Variants in GREB1L observed in about 807,000 individuals in gnomAD.
GREB1L encodes the protein GREB1 like retinoic acid receptor coactivator.
Under a neutral mutation model 200.8 loss-of-function variants are expected in GREB1L, and 17 were observed. The observed-to-expected ratio is 0.08, with a 90% CI of 0.06 to 0.13. GREB1L has a LOEUF of 0.13. Ranked by LOEUF, GREB1L falls within the 10% of genes least tolerant of loss-of-function variation. GREB1L has a pLI of 1.00. For missense variants in GREB1L, 1,657 were observed against 2,367.7 expected (o/e 0.70, Z 6.23); for synonymous variants, 789 against 893.0 (o/e 0.88, Z 2.08).
chr18:21,293,155 A>G (rs1336875001), intron 1 of GREB1L, among the ~76,000 whole-genome samples: 1 of 152,202 alleles, frequency 6.6e-6, no homozygotes, highest in East Asian at 1.9e-4. Flanking sequence ...CAGCTCTGGT[A>G]TGGCCTTGGC....
chr18:21,433,675 T>G (rs1471220746), intron 7 of GREB1L, among the ~76,000 whole-genome samples: 2 of 152,214 alleles, frequency 1.3e-5, no homozygotes, highest in African/African-American at 4.8e-5. Context: ...CATTTCATTC[T>G]TTTGAGTTCT....
intron 4 of GREB1L, among the ~76,000 whole-genome samples, chr18:21,390,825 G>A (rs1454445027): frequency 6.6e-6 from 1 of 151,976 alleles, no homozygotes; most frequent in Non-Finnish European, 1.5e-5. Flanking sequence ...GTGAGCCACC[G>A]CGCCAGGCCA....
intron 7 of GREB1L, among the ~76,000 whole-genome samples, chr18:21,431,868 T>G (rs2033172308): frequency 6.6e-6 from 1 of 151,896 alleles, no homozygotes; most frequent in South Asian, 2.1e-4. Context: ...AAGTGTTCTT[T>G]TTTTCATGTA....
At chr18:21,399,270 T>C (rs1014711604) in intron 5 of GREB1L, among the ~76,000 whole-genome samples, 43 of 152,342 alleles carry the variant, frequency 2.8e-4, no homozygotes, top group African/African-American at 1.0e-3. Context: ...GCATATCTAC[T>C]TCACAGGTCA....
intron 1 of GREB1L, among the ~76,000 whole-genome samples, chr18:21,311,015 C>T (rs1359526854): frequency 2.0e-5 from 3 of 152,110 alleles, no homozygotes; most frequent in Non-Finnish European, 4.4e-5. Flanking sequence ...AAAACAATAT[C>T]TATAAAATGG....
intron 1 of GREB1L, among the ~76,000 whole-genome samples, chr18:21,246,514 G>T (rs1166461140): frequency 6.6e-6 from 1 of 152,008 alleles, no homozygotes; most frequent in African/African-American, 2.4e-5. Context: ...ACAAAGTGAG[G>T]GATAGTTTTT....
At chr18:21,247,203 C>T (rs2037619263) in intron 1 of GREB1L, among the ~76,000 whole-genome samples, 1 of 152,178 alleles carries the variant, frequency 6.6e-6, no homozygotes, top group Non-Finnish European at 1.5e-5. Context: ...TCTCTTCTAC[C>T]CAACTCTGTA....
chr18:21,440,219 T>C, intron 8 of GREB1L, 50 bp from the exon 9 acceptor site: 1 of 1,538,708 alleles, frequency 6.5e-7, no homozygotes, highest in South Asian at 1.2e-5. Context: ...TTCTTCCACA[T>C]GGCTGAGAAC....
intron 1 of GREB1L, among the ~76,000 whole-genome samples, chr18:21,274,090 C>T (rs770669290): frequency 3.3e-5 from 5 of 152,132 alleles, no homozygotes; most frequent in South Asian, 2.1e-4. Context: ...CAATTCTAGA[C>T]GCTTGGAAGT....
At chr18:21,481,169 A>G (rs1390619258) in intron 17 of GREB1L, among the ~76,000 whole-genome samples, 1 of 152,082 alleles carries the variant, frequency 6.6e-6, no homozygotes, top group African/African-American at 2.4e-5. Context: ...AGAGGTCCAG[A>G]GGAAGCTCCG....
intron 2 of GREB1L, among the ~76,000 whole-genome samples, chr18:21,382,357 A>T (rs115384349): frequency 0.068 from 10,341 of 152,052 alleles, 537 homozygotes; most frequent in Admixed American, 0.14. Flanking sequence ...AAAAATTTTT[A>T]AAAAAATAGT....
At chr18:21,272,506 TAAG>T in intron 1 of GREB1L, among the ~76,000 whole-genome samples, 1 of 152,362 alleles carries the variant, frequency 6.6e-6, no homozygotes, top group East Asian at 1.9e-4. Flanking sequence ...ATGGCTTTCA[TAAG>T]AAGTTATAAA....
intron 1 of GREB1L, among the ~76,000 whole-genome samples, chr18:21,302,498 A>G (rs1266341016): frequency 6.6e-6 from 1 of 152,148 alleles, no homozygotes; most frequent in Non-Finnish European, 1.5e-5. Flanking sequence ...AGAGAGGGAA[A>G]GCTGATTGGT....
intron 1 of GREB1L, among the ~76,000 whole-genome samples, chr18:21,262,744 CAGTG>C (rs1191896883): frequency 1.3e-5 from 2 of 151,940 alleles, no homozygotes; most frequent in African/African-American, 4.8e-5. Context: ...GGCGGTGGGC[CAGTG>C]ATATCAACCC....
rs559187559 is a variant in GREB1L at position 21,457,347 on chromosome 18, C to A, written c.2182+2784C>A. Reference sequence around the variant, plus strand: ...AGCATATTTTTAGAATTATTCACATCTGGCTTTGGCATACATACTGAAATT... The same window carrying A: ...AGCATATTTTTAGAATTATTCACATATGGCTTTGGCATACATACTGAAATT... On this transcript the variant is annotated intron_variant, in intron 15 of 32. Transcript: ENST00000424526. Among the ~76,000 whole-genome samples, 3 of 152,246 alleles carry A rather than the reference C, an allele frequency of 2.0e-5. No individual in the cohort carries two copies. In the South Asian group the frequency reaches 6.2e-4, roughly 32 times the overall value.
At chr18:21,483,143 AAG>A (rs1166126964) in intron 17 of GREB1L, among the ~76,000 whole-genome samples, 2 of 152,172 alleles carry the variant, frequency 1.3e-5, no homozygotes, top group African/African-American at 4.8e-5. Flanking sequence ...GCTAAGAAGA[AAG>A]AGAGAGAAAT....
chr18:21,257,843 C>T (rs1414838162), intron 1 of GREB1L, among the ~76,000 whole-genome samples: 2 of 151,886 alleles, frequency 1.3e-5, no homozygotes, highest in African/African-American at 2.4e-5. Flanking sequence ...AAAAATGTAC[C>T]CCACCTCACA....
intron 7 of GREB1L, among the ~76,000 whole-genome samples, chr18:21,426,739 A>G (rs1024516837): frequency 3.9e-5 from 6 of 151,930 alleles, no homozygotes; most frequent in Admixed American, 3.3e-4. Context: ...CGGGCGGATC[A>G]CGAGGTCAGG....
chr18:21,520,662 A>G (rs2037576014), intron 31 of GREB1L, 26 bp from the exon 32 acceptor site: 2 of 1,551,326 alleles, frequency 1.3e-6, no homozygotes, highest in South Asian at 1.2e-5. Flanking sequence ...TGAAATGCCC[A>G]TGCTATTTTT....
Sources: gnomAD v4.1 joint callset for allele counts (sites outside exome capture counted in the v4.1 genomes callset) on GRCh38, gnomAD v4.1.1 for gene constraint, MANE v1.5 for transcripts, NCBI Gene and HGNC (gene_info 2026-07-23, HGNC 2026-07-21) for gene names.